CPEB1: variants seen among roughly 807,000 people sequenced by gnomAD.
CPEB1 encodes the protein cytoplasmic polyadenylation element-binding protein 1.
In CPEB1, 7 loss-of-function variants were observed where a neutral mutation model predicts 65.8. The ratio of observed to expected loss-of-function variants is 0.11; its 90% CI spans 0.06 to 0.20. The LOEUF (loss-of-function observed/expected upper bound fraction) is 0.20, where lower values mean the gene tolerates loss of function less well. CPEB1 is among the 10% of genes least tolerant of loss of function. The probability of loss-of-function intolerance (pLI) is 1.00; values close to 1 mark genes in which losing one functional copy is unlikely to be tolerated. For synonymous variants in CPEB1, 262 were observed against 260.0 expected, an observed-to-expected ratio of 1.01 and a Z score of -0.08; for missense variants, 551 against 712.2, an observed-to-expected ratio of 0.77 and a Z score of 2.58.
chr15:82,598,485 T>C (rs954117370), intron 3 of CPEB1, among the ~76,000 whole-genome samples: 1 of 150,410 alleles, frequency 6.6e-6, no homozygotes, highest in Admixed American at 6.6e-5. Flanking sequence ...CAAAACTCTG[T>C]CTCAAAAAAA....
Position 82,557,765 on chromosome 15 carries a change from A to T in CPEB1, c.682T>A (p.Leu228Met). The change falls in exon 5 of 13, where the codon TTG becomes ATG. Residue 228 changes from leucine to methionine, a missense_variant. Coordinates refer to ENST00000684509, the MANE Select transcript of CPEB1 (RefSeq NM_001365242.1). The stretch of plus-strand genomic sequence containing the variant: ...TTCCCAAATGAGTTACATACAATCA[A>T]ATCTGAGAGATGATCTGATCCAGAG... ...FSSGSDHLSDLISSLRISPPL... is the reference protein window; with the variant it reads ...FSSGSDHLSDMISSLRISPPL... 1 of 1,613,624 alleles carries T rather than the reference A, an allele frequency of 6.2e-7. No homozygotes were observed. The highest frequency in any genetic ancestry group is 8.5e-7 in the Non-Finnish European group (1 of 1,179,670).
chr15:82,592,196 T>C (rs942113617), intron 3 of CPEB1, among the ~76,000 whole-genome samples: 6 of 152,176 alleles, frequency 3.9e-5, no homozygotes, highest in South Asian at 2.1e-4. Context: ...GATATATATA[T>C]GGGTATACCC....
intron 5 of CPEB1, chr15:82,557,501 C>A: frequency 2.3e-6 from 1 of 437,500 alleles, no homozygotes. Context: ...TTTTCCAGTA[C>A]TCTTGGAGTA....
chr15:82,597,254 A>G (rs1454855591), intron 3 of CPEB1, among the ~76,000 whole-genome samples: 1 of 152,204 alleles, frequency 6.6e-6, no homozygotes, highest in Non-Finnish European at 1.5e-5. Flanking sequence ...TGGGCCTGGA[A>G]GGTCGAGGCT....
chr15:82,628,881 C>T lies in CPEB1; in HGVS notation c.-97-325G>A, dbSNP rs72751674. The T allele has an allele frequency of 7.4e-3, 1,255 of 168,694 alleles. 14 individuals carry two copies. Among genetic ancestry groups the T allele is most frequent in the Non-Finnish European group, 8.4e-3 (650 of 77,322 alleles). 10.4% of individuals were successfully genotyped at this position (168,694 alleles called of 1,614,324 possible). A position where few individuals can be genotyped will look rare whatever the true frequency, so the allele number is the denominator to read the frequency against. Reference sequence around the variant, plus strand: ...TCTAGCCTACTTTATCGTAAGAATACGGTATAAAATACATGTAACATACAA... The same window carrying T: ...TCTAGCCTACTTTATCGTAAGAATATGGTATAAAATACATGTAACATACAA... On this transcript the variant is annotated intron_variant, in intron 1 of 12. Transcript: ENST00000684509.
At chr15:82,599,104 C>T (rs960965284) in intron 3 of CPEB1, among the ~76,000 whole-genome samples, 1 of 152,012 alleles carries the variant, frequency 6.6e-6, no homozygotes, top group Non-Finnish European at 1.5e-5. Context: ...ATAAAGCTGA[C>T]AAATGGTCTG....
At chr15:82,594,130 G>C (rs1251539139) in intron 3 of CPEB1, among the ~76,000 whole-genome samples, 1 of 152,182 alleles carries the variant, frequency 6.6e-6, no homozygotes, top group Non-Finnish European at 1.5e-5. Context: ...AAGCTTTGAA[G>C]CCAGAAACTG....
intron 4 of CPEB1, among the ~76,000 whole-genome samples, chr15:82,571,040 G>A (rs1310768607): frequency 6.6e-6 from 1 of 152,140 alleles, no homozygotes; most frequent in Non-Finnish European, 1.5e-5. Context: ...GGGGTTAGCT[G>A]GATCTTTTCT....
chr15:82,605,582 T>C (rs561105596), intron 3 of CPEB1, among the ~76,000 whole-genome samples: 6 of 152,180 alleles, frequency 3.9e-5, no homozygotes, highest in Non-Finnish European at 5.9e-5. Context: ...TGTGAGGTAA[T>C]GAATATATTA....
rs774752983 is a variant in CPEB1 at position 82,642,547 on chromosome 15, C to CA, written c.-98+4589dup. 7.4e-4 allele frequency among the ~76,000 whole-genome samples: 113 copies of CA among 151,686 alleles called. 1 individual carries two copies. The highest frequency in any genetic ancestry group is 1.2e-3 in the Non-Finnish European group (84 of 67,890). On this transcript the variant is annotated intron_variant, in intron 1 of 12. Coordinates refer to ENST00000684509, the MANE Select transcript of CPEB1 (RefSeq NM_001365242.1). ...TGGGTGACACAGTGAGACCTTGTCT[C>CA]AAAAAAAACCTTAATAATAAAATCT...
chr15:82,563,357 CTTTTTTTTT>C (rs71453394), intron 4 of CPEB1, among the ~76,000 whole-genome samples: 4 of 92,068 alleles, frequency 4.3e-5, no homozygotes, highest in African/African-American at 8.5e-5. Context: ...CATCTCTATT[CTTTTTTTTT>C]TTTTTTTTTT....
At position 82,572,867 on chromosome 15, in the gene CPEB1, T is replaced by A. The variant is rs1161042391; in HGVS notation, c.272-1335A>T. ...GCTCCAGCAACAAAGACTAAGAAAA[T>A]TCAGCTTCTGGAGCTTCCGCCATTT... On this transcript the variant is annotated intron_variant, in intron 3 of 12. Coordinates refer to ENST00000684509, the MANE Select transcript of CPEB1 (RefSeq NM_001365242.1). The A allele has an allele frequency of 1.3e-5, 8 of 620,820 alleles. No homozygotes were observed. In the East Asian group the frequency reaches 2.4e-4, roughly 19 times the overall value. 38.5% of individuals were successfully genotyped at this position (620,820 alleles called of 1,614,324 possible).
intron 3 of CPEB1, among the ~76,000 whole-genome samples, chr15:82,580,060 A>G (rs1197018559): frequency 6.9e-6 from 1 of 144,072 alleles, no homozygotes; most frequent in South Asian, 2.3e-4. Context: ...GGTGGCTCAC[A>G]CCTGTAATCC....
intron 1 of CPEB1, among the ~76,000 whole-genome samples, chr15:82,634,922 C>T (rs952444621): frequency 2.6e-5 from 4 of 152,136 alleles, no homozygotes; most frequent in Non-Finnish European, 5.9e-5. Context: ...GGTACAATTT[C>T]GGCTCACCAC....
chr15:82,549,701 CAGAG>C, intron 9 of CPEB1, 43 bp from the exon 10 acceptor site: 1 of 1,587,888 alleles, frequency 6.3e-7, no homozygotes, highest in South Asian at 1.1e-5. Flanking sequence ...CAGAGAGCCA[CAGAG>C]AGAGAGGTGC....
chr15:82,613,396 T>C (rs937830791), intron 3 of CPEB1, among the ~76,000 whole-genome samples: 1 of 152,216 alleles, frequency 6.6e-6, no homozygotes, highest in South Asian at 2.1e-4. Context: ...TGTTTTGTTT[T>C]GTTTTTTTGG....
At chr15:82,648,139 G>A (rs2047734999), upstream of CPEB1, 3 of 352,410 alleles carry the variant, frequency 8.5e-6, no homozygotes, top group Non-Finnish European at 1.5e-5. Context: ...CGCCCACCCG[G>A]AACCCGGCGG....
At chr15:82,554,600 T>C (rs527392665) in intron 6 of CPEB1, among the ~76,000 whole-genome samples, 14 of 152,308 alleles carry the variant, frequency 9.2e-5, no homozygotes, top group African/African-American at 2.9e-4. Flanking sequence ...GATGCCAGCA[T>C]GGTAACGTAA....
chr15:82,641,024 T>C (rs527244005), intron 1 of CPEB1, among the ~76,000 whole-genome samples: 9 of 151,766 alleles, frequency 5.9e-5, no homozygotes, highest in Non-Finnish European at 1.0e-4. Context: ...AGTCTAGAAA[T>C]GAGAAAACGT....
Sources: gnomAD v4.1 joint callset for allele counts (sites outside exome capture counted in the v4.1 genomes callset) on GRCh38, gnomAD v4.1.1 for gene constraint, MANE v1.5 for transcripts, NCBI Gene and HGNC (gene_info 2026-07-23, HGNC 2026-07-21) for gene names.